The following ZNF454 variants were observed in gnomAD, a reference collection of about 807,000 sequenced individuals.
ZNF454 encodes the protein zinc finger protein 454.
ZNF454 carries 30 observed loss-of-function variants against 48.2 expected under a neutral mutation model. The ratio of observed to expected loss-of-function variants is 0.62; its 90% CI spans 0.47 to 0.84. ZNF454 has a LOEUF of 0.84. Among genes scored for constraint, ZNF454 ranks in the 40% least tolerant of loss-of-function variants. The pLI is 0.00. For synonymous variants in ZNF454, 204 were observed against 211.4 expected (o/e 0.97, Z 0.30); for missense variants, 510 against 623.1 (o/e 0.82, Z 1.93).
chr5:178,963,237 G>A (rs1231050464), intron 4 of ZNF454, among the ~76,000 whole-genome samples: 1 of 151,740 alleles, frequency 6.6e-6, no homozygotes, highest in Admixed American at 6.6e-5. Context: ...TTTTCTAGTT[G>A]TTTTCTGCAG....
At chr5:178,976,052 G>C in the ZNF454 span, 1 of 435,752 alleles carries the variant, frequency 2.3e-6, no homozygotes, top group South Asian at 1.6e-5. Flanking sequence ...CACTCTCTTT[G>C]CTTGGTCCCC....
chr5:178,970,397 T>C (rs992391277), downstream of ZNF454, among the ~76,000 whole-genome samples: 2 of 152,112 alleles, frequency 1.3e-5, no homozygotes, highest in African/African-American at 2.4e-5. Context: ...TAACAGTTTG[T>C]GAAGGGAAAA....
chr5:178,984,446 A>T, the ZNF454 span, among the ~76,000 whole-genome samples: 2 of 152,206 alleles, frequency 1.3e-5, no homozygotes, highest in Non-Finnish European at 2.9e-5. Context: ...GCAGCCCGTC[A>T]TGACGTGGTA....
intron 4 of ZNF454, among the ~76,000 whole-genome samples, chr5:178,951,692 T>C (rs575585796): frequency 3.1e-4 from 47 of 152,212 alleles, no homozygotes; most frequent in Non-Finnish European, 5.9e-4. Flanking sequence ...TGTAAGTTAT[T>C]TCCAGACTTT....
chr5:178,989,125 G>A, the ZNF454 span: 2 of 1,613,942 alleles, frequency 1.2e-6, no homozygotes, highest in East Asian at 2.2e-5. Context: ...CCCGGCCGAT[G>A]CGTTCCTCGC....
chr5:178,986,224 C>T, the ZNF454 span: 82 of 1,614,126 alleles, frequency 5.1e-5, 2 homozygotes, highest in South Asian at 4.2e-4. Flanking sequence ...CTCAAAGATG[C>T]GGTAGATACG....
chr5:178,942,726 T>A lies in ZNF454; in HGVS notation c.-66T>A, dbSNP rs1316490445. The A allele has an allele frequency of 2.1e-5, 34 of 1,593,066 alleles. No homozygotes were observed. The highest frequency in any genetic ancestry group is 2.8e-5 in the Non-Finnish European group (33 of 1,161,666). ...TCTAGCCTGAGGAGTCCTGCAGGTG[T>A]GAAGCTCCACACCTGCCTCCATAGC... On this transcript the variant is annotated 5_prime_UTR_variant, in exon 2 of 5. Transcript: ENST00000519564.
downstream of ZNF454, chr5:178,968,746 C>T (rs1007123645): frequency 6.6e-6 from 3 of 456,536 alleles, no homozygotes; most frequent in Admixed American, 2.3e-5. Context: ...CCCTGAGAAG[C>T]ACGTTTCTAA....
At chr5:178,951,381 A>G (rs1561698846) in intron 4 of ZNF454, among the ~76,000 whole-genome samples, 1 of 152,214 alleles carries the variant, frequency 6.6e-6, no homozygotes, top group Non-Finnish European at 1.5e-5. Context: ...TTTGAAGTCC[A>G]CTGTGCCTCT....
At chr5:178,986,418 G>A in the ZNF454 span, 18 of 1,613,652 alleles carry the variant, frequency 1.1e-5, no homozygotes, top group African/African-American at 9.3e-5. Context: ...CGATGGGCGT[G>A]TTGTTGTACC....
chr5:178,981,580 G>C, the ZNF454 span: 8 of 1,139,696 alleles, frequency 7.0e-6, no homozygotes, highest in Non-Finnish European at 9.2e-6. The surrounding 1 kb of genome is among the most constrained non-coding windows in gnomAD (Gnocchi z 5.1). Context: ...CCGTGGACCC[G>C]GGCTCTATAC....
At chr5:178,987,073 G>C in the ZNF454 span, 1 of 1,352,696 alleles carries the variant, frequency 7.4e-7, no homozygotes, top group East Asian at 2.5e-5. Flanking sequence ...GGAGAAAGGA[G>C]GAGCTTAACA....
chr5:178,967,742 CTTTT>C (rs10694687), downstream of ZNF454, among the ~76,000 whole-genome samples: 55 of 129,528 alleles, frequency 4.2e-4, 1 homozygote, highest in Middle Eastern at 4.2e-3. Context: ...TTTTCTTTTT[CTTTT>C]TTTTTTTTTT....
downstream of ZNF454, among the ~76,000 whole-genome samples, chr5:178,970,226 C>T (rs367557361): frequency 2.6e-5 from 4 of 152,286 alleles, no homozygotes; most frequent in East Asian, 1.9e-4. Flanking sequence ...TCCTTTCCTT[C>T]GCTCTTTGCC....
the ZNF454 span, chr5:178,989,470 C>G: frequency 6.2e-7 from 1 of 1,604,742 alleles, no homozygotes. Flanking sequence ...TCCTGTGTCT[C>G]TCTGCCACTT....
At chr5:178,974,734 T>A in the ZNF454 span, among the ~76,000 whole-genome samples, 1 of 152,230 alleles carries the variant, frequency 6.6e-6, no homozygotes, top group Non-Finnish European at 1.5e-5. Context: ...TATAAAAACC[T>A]TCAGGTTTGT....
At chr5:178,966,515 T>G (rs1760162409), downstream of ZNF454, 1 of 151,870 alleles carries the variant, frequency 6.6e-6, no homozygotes, top group Non-Finnish European at 1.5e-5. Context: ...TTGATTTGTC[T>G]GAATTACCAA....
downstream of ZNF454, among the ~76,000 whole-genome samples, chr5:178,967,232 C>T (rs1483210666): frequency 6.6e-6 from 1 of 152,172 alleles, no homozygotes; most frequent in East Asian, 1.9e-4. Flanking sequence ...AATGATCCCA[C>T]CCACTTACGT....
At chr5:178,956,624 C>T (rs11746445) in intron 4 of ZNF454, among the ~76,000 whole-genome samples, 1 of 151,050 alleles carries the variant, frequency 6.6e-6, no homozygotes, top group African/African-American at 2.4e-5. Context: ...ATCTGGGCAC[C>T]TAAGGTCAGG....
Sources: allele counts gnomAD v4.1 joint callset (sites outside exome capture counted in the v4.1 genomes callset), GRCh38; gene constraint gnomAD v4.1.1; non-coding constraint Gnocchi (gnomAD v3.1); transcripts MANE v1.5; gene names NCBI Gene and HGNC (gene_info 2026-07-23, HGNC 2026-07-21).